KIAA0586: variants seen among roughly 807,000 people sequenced by gnomAD.
KIAA0586 encodes the protein KIAA0586.
In KIAA0586, 144 loss-of-function variants were observed where a neutral mutation model predicts 169.8. That is an observed-to-expected ratio of 0.85 (90% confidence interval 0.74 to 0.97). KIAA0586 has a LOEUF of 0.97. Among genes scored for constraint, KIAA0586 ranks in the 50% least tolerant of loss-of-function variants. The pLI, the probability that KIAA0586 is intolerant of heterozygous loss-of-function variation, is 0.00. For synonymous variants in KIAA0586, 625 were observed against 612.4 expected (o/e 1.02, Z -0.30); for missense variants, 1,854 against 1,823.0 (o/e 1.02, Z -0.31).
At position 58,464,888 on chromosome 14, in the gene KIAA0586, C is replaced by T. The variant is rs533017576; in HGVS notation, c.2060-947C>T. On this transcript the variant is annotated intron_variant, in intron 14 of 30. Transcript: ENST00000652326. ...AGCAGGACGGCATGAGATTTTATCG[C>T]GCTACTCAGAACAGCGTACATTGTA... 7.2e-5 allele frequency among the ~76,000 whole-genome samples: 11 copies of T among 152,134 alleles called. No homozygotes were observed. In the South Asian group the frequency reaches 1.7e-3, roughly 23 times the overall value.
chr14:58,486,973 A>T, intron 21 of KIAA0586, 34 bp from the exon 22 acceptor site: 1 of 1,530,244 alleles, frequency 6.5e-7, no homozygotes, highest in Non-Finnish European at 8.9e-7. Context: ...TTGGGTGATT[A>T]TAAACACAGT....
At chr14:58,471,458 G>A (rs1466234668) in intron 17 of KIAA0586, among the ~76,000 whole-genome samples, 5 of 152,116 alleles carry the variant, frequency 3.3e-5, no homozygotes, top group Admixed American at 2.6e-4. Context: ...TTTGAATAAT[G>A]AAGTTATGGC....
intron 4 of KIAA0586, among the ~76,000 whole-genome samples, chr14:58,439,431 C>T (rs1228292697): frequency 6.6e-6 from 1 of 152,134 alleles, no homozygotes; most frequent in Non-Finnish European, 1.5e-5. Flanking sequence ...TCGTGATCCG[C>T]CCGCCTCAGC....
intron 20 of KIAA0586, among the ~76,000 whole-genome samples, chr14:58,480,346 TAAAA>T (rs35326005): frequency 2.1e-5 from 3 of 146,206 alleles, no homozygotes; most frequent in Non-Finnish European, 3.0e-5. Context: ...CTTCCTCTTT[TAAAA>T]AAAAAAAAAA....
intron 10 of KIAA0586, 62 bp downstream of exon 10, chr14:58,456,872 A>G: frequency 1.1e-6 from 1 of 877,856 alleles, no homozygotes; most frequent in African/African-American, 1.7e-5. Flanking sequence ...AAGGAATAAA[A>G]GAGTTATAAA....
Position 58,537,809 on chromosome 14 carries a change from G to A in KIAA0586, c.4430-2262G>A, listed in dbSNP as rs184790791. Among the ~76,000 whole-genome samples the A allele has an allele frequency of 3.3e-5, 5 of 151,868 alleles. No homozygotes were observed. The South Asian group carries it at 6.2e-4, about 19-fold the overall frequency. On this transcript the variant is annotated intron_variant, in intron 29 of 30. Transcript: ENST00000652326. ...ACTACAGGTGCCTGCCACCACGCCC[G>A]GCTAATTTTTTGTATTTTTAGTAGA... is the stretch of plus-strand genomic sequence containing the variant.
At chr14:58,525,463 G>A (rs2045517590) in intron 29 of KIAA0586, among the ~76,000 whole-genome samples, 1 of 152,040 alleles carries the variant, frequency 6.6e-6, no homozygotes, top group Non-Finnish European at 1.5e-5. Flanking sequence ...AGGGGTCGGG[G>A]AACTCCCTCC....
chr14:58,438,952 C>T (rs567676851), intron 4 of KIAA0586, among the ~76,000 whole-genome samples: 2 of 152,022 alleles, frequency 1.3e-5, no homozygotes, highest in Admixed American at 1.3e-4. Flanking sequence ...TGAATGGTGA[C>T]GTGTAGGAAG....
At position 58,490,677 on chromosome 14, in the gene KIAA0586, T is replaced by C. The variant is rs187486155; in HGVS notation, c.3858+437T>C. The stretch of plus-strand genomic sequence containing the variant: ...TAAAAAGAAAAATGAGGTCCAGGGA[T>C]GTTAACCCTTTCTAGTTTTTATCTA... On this transcript the variant is annotated intron_variant, in intron 25 of 30. Coordinates refer to ENST00000652326, the MANE Select transcript of KIAA0586 (RefSeq NM_001329943.3). Among the ~76,000 whole-genome samples the C allele has an allele frequency of 2.0e-5, 3 of 152,222 alleles. No individual in the cohort carries two copies. The East Asian group carries it at 5.8e-4, about 29-fold the overall frequency.
rs1360230789 is a variant in KIAA0586 at position 58,442,745 on chromosome 14, T to A, written c.450T>A (p.His150Gln). The change falls in exon 5 of 31, where the codon CAT (histidine) becomes CAA (glutamine). Residue 150 changes from histidine to glutamine, a missense_variant. Transcript: ENST00000652326. ...CTGTTTTTAAGGAAGTAAAGGTACA[T>A]CTGTTAGAAGATGCAGGCATAGAGA... ...SMPVFKEVKV[H>Q]LLEDAGIEKD... The A allele has an allele frequency of 3.1e-6, 5 of 1,588,790 alleles. No homozygotes were observed. The highest frequency in any genetic ancestry group is 4.3e-6 in the Non-Finnish European group (5 of 1,166,174).
At position 58,427,727 on chromosome 14, in the gene KIAA0586, C is replaced by T. The variant is rs2036941279; in HGVS notation, c.-538C>T. The T allele has an allele frequency of 1.3e-6, 2 of 1,534,522 alleles. No homozygotes were observed. Among genetic ancestry groups the T allele is most frequent in the African/African-American group, 1.4e-5 (1 of 73,060 alleles). On this transcript the variant is annotated 5_prime_UTR_variant, in exon 1 of 31. Coordinates refer to ENST00000652326, the MANE Select transcript of KIAA0586 (RefSeq NM_001329943.3). ...ACCTGCGGGCAACTGACGCTGTTGT[C>T]AGATTACACCCACGACGGTGCGGGT... is the stretch of plus-strand genomic sequence containing the variant.
intron 27 of KIAA0586, 37 bp from the exon 28 acceptor site, chr14:58,508,518 C>A: frequency 6.8e-7 from 1 of 1,465,590 alleles, no homozygotes; most frequent in Non-Finnish European, 9.3e-7. Flanking sequence ...AAATTTAACA[C>A]TTTATTTTAA....
chr14:58,427,648 TG>T, upstream of KIAA0586: 1 of 1,535,636 alleles, frequency 6.5e-7, no homozygotes. Flanking sequence ...GTGAGTTTCT[TG>T]GCGCGCATGC....
chr14:58,475,864 C>T (rs1263417572), intron 19 of KIAA0586, among the ~76,000 whole-genome samples: 2 of 152,126 alleles, frequency 1.3e-5, no homozygotes, highest in South Asian at 4.1e-4. Flanking sequence ...CTTTGAGAGG[C>T]CAAGGTGAGT....
At chr14:58,537,041 A>G (rs984190988) in intron 29 of KIAA0586, 14 of 1,270,576 alleles carry the variant, frequency 1.1e-5, no homozygotes, top group Non-Finnish European at 1.3e-5. Flanking sequence ...GTAAGAACTG[A>G]CAAACTTGAG....
chr14:58,446,267 G>T (rs979159251), intron 6 of KIAA0586, among the ~76,000 whole-genome samples: 2 of 151,856 alleles, frequency 1.3e-5, no homozygotes, highest in Admixed American at 1.3e-4. Context: ...AGGCCGAGGT[G>T]GGTGGATCAC....
intron 14 of KIAA0586, among the ~76,000 whole-genome samples, chr14:58,462,927 CA>C (rs760321617): frequency 2.0e-5 from 3 of 152,142 alleles, no homozygotes; most frequent in Non-Finnish European, 4.4e-5. Flanking sequence ...ATCACAAGAA[CA>C]AATTAGGGGA....
chr14:58,510,377 A>G (rs945707107), intron 28 of KIAA0586, among the ~76,000 whole-genome samples: 3 of 152,228 alleles, frequency 2.0e-5, no homozygotes, highest in African/African-American at 7.2e-5. Context: ...TGAAAAAAGA[A>G]AAAAAGATTC....
chr14:58,473,157 A>C (rs982201366), intron 18 of KIAA0586, among the ~76,000 whole-genome samples: 1 of 151,796 alleles, frequency 6.6e-6, no homozygotes, highest in East Asian at 1.9e-4. Flanking sequence ...TTCATTTTTC[A>C]ATGGAATAAT....
Sources: allele counts gnomAD v4.1 joint callset (sites outside exome capture counted in the v4.1 genomes callset), GRCh38; gene constraint gnomAD v4.1.1; transcripts MANE v1.5; gene names NCBI Gene and HGNC (gene_info 2026-07-23, HGNC 2026-07-21).